Variants in MALRD1 observed in about 807,000 individuals in gnomAD.
MALRD1 encodes the protein MAM and LDL receptor class A domain containing 1.
Under a neutral mutation model 242.1 loss-of-function variants are expected in MALRD1, and 247 were observed. The observed-to-expected ratio is 1.02, with a 90% confidence interval of 0.92 to 1.13. MALRD1 has a LOEUF of 1.13. Among genes scored for constraint, MALRD1 ranks in the 50% most tolerant of loss-of-function variants. The pLI is 0.00. For synonymous variants in MALRD1, 995 were observed against 866.6 expected, an observed-to-expected ratio of 1.15 and a Z score of -2.60; for missense variants, 2,989 against 2,533.1, an observed-to-expected ratio of 1.18 and a Z score of -3.86.
intron 1 of MALRD1, among the ~76,000 whole-genome samples, chr10:19,055,337 C>A (rs536929636): frequency 6.6e-6 from 1 of 152,096 alleles, no homozygotes; most frequent in South Asian, 2.1e-4. Context: ...TATTGTTTTA[C>A]CATTCTGTGG....
chr10:19,196,003 C>T lies in MALRD1; in HGVS notation c.1952-7725C>T, dbSNP rs538112881. The stretch of plus-strand genomic sequence containing the variant: ...ATTTCACTGAAAAAATAGAAACAAC[C>T]AGAAAAGAACTTTTAGAAGTTCCAG... On this transcript the variant is annotated intron_variant, in intron 14 of 39. Transcript: ENST00000454679. Among the ~76,000 whole-genome samples, 13 of 152,202 alleles carry T rather than the reference C, an allele frequency of 8.5e-5. 1 individual carries two copies. In the South Asian group the frequency reaches 2.1e-3, roughly 24 times the overall value.
At chr10:19,621,351 T>TAAAAAA (rs56041015) in intron 36 of MALRD1, among the ~76,000 whole-genome samples, 11 of 121,828 alleles carry the variant, frequency 9.0e-5, no homozygotes, top group African/African-American at 1.5e-4. Context: ...TAAAAATATG[T>TAAAAAA]AAAAAAAAAA....
intron 26 of MALRD1, among the ~76,000 whole-genome samples, chr10:19,354,576 G>A (rs1226746072): frequency 2.0e-5 from 3 of 151,874 alleles, no homozygotes. Flanking sequence ...CTCTACCTTT[G>A]TGGGATCATT....
At chr10:19,135,732 G>C (rs945098929) in intron 9 of MALRD1, among the ~76,000 whole-genome samples, 1 of 152,154 alleles carries the variant, frequency 6.6e-6, no homozygotes, top group Non-Finnish European at 1.5e-5. Context: ...GTCCTCTGTA[G>C]CTCATGGCTA....
intron 38 of MALRD1, among the ~76,000 whole-genome samples, chr10:19,717,819 C>A (rs1347660128): frequency 6.6e-6 from 1 of 151,968 alleles, no homozygotes; most frequent in African/African-American, 2.4e-5. Flanking sequence ...GAGTTTAAGA[C>A]CAGCCTGGCC....
intron 18 of MALRD1, among the ~76,000 whole-genome samples, chr10:19,230,073 G>T (rs1346538135): frequency 6.6e-6 from 1 of 152,032 alleles, no homozygotes; most frequent in South Asian, 2.1e-4. Context: ...CCTTTCACTT[G>T]GTTCTCATTT....
At chr10:19,353,896 T>G (rs1269712426) in intron 26 of MALRD1, among the ~76,000 whole-genome samples, 6 of 148,082 alleles carry the variant, frequency 4.1e-5, no homozygotes, top group Non-Finnish European at 8.9e-5. Context: ...TTGTTTGTTT[T>G]TTGTTTTTTG....
intron 18 of MALRD1, among the ~76,000 whole-genome samples, chr10:19,214,995 G>A (rs1837246084): frequency 6.6e-6 from 1 of 152,134 alleles, no homozygotes; most frequent in East Asian, 1.9e-4. Context: ...CTTCCACAAA[G>A]TCAACAAGCA....
At chr10:19,605,190 C>G (rs905844358) in intron 34 of MALRD1, among the ~76,000 whole-genome samples, 1 of 150,798 alleles carries the variant, frequency 6.6e-6, no homozygotes, top group South Asian at 2.1e-4. Flanking sequence ...GAATCTTGCT[C>G]CATTCCCTGG....
chr10:19,168,623 G>A (rs1027407960), intron 13 of MALRD1, among the ~76,000 whole-genome samples: 2 of 152,044 alleles, frequency 1.3e-5, no homozygotes, highest in South Asian at 4.1e-4. Flanking sequence ...GTTTTGCTTT[G>A]CAGTGCAAAT....
At chr10:19,315,134 A>C (rs1469330350) in intron 21 of MALRD1, among the ~76,000 whole-genome samples, 1 of 138,654 alleles carries the variant, frequency 7.2e-6, no homozygotes, top group Non-Finnish European at 1.5e-5. Context: ...ATTTATAGAA[A>C]TATGTAAATA....
intron 5 of MALRD1, among the ~76,000 whole-genome samples, chr10:19,107,719 T>A (rs559046264): frequency 1.3e-5 from 2 of 152,118 alleles, no homozygotes; most frequent in Admixed American, 1.3e-4. Context: ...TTTCTTCTCT[T>A]GTTGTTTATC....
intron 36 of MALRD1, 85 bp from the exon 37 acceptor site, chr10:19,692,197 T>G: frequency 9.8e-7 from 1 of 1,023,090 alleles, no homozygotes; most frequent in South Asian, 1.8e-5. Flanking sequence ...TTTATTGACA[T>G]TCATGATTTT....
intron 32 of MALRD1, among the ~76,000 whole-genome samples, chr10:19,544,895 C>A: frequency 6.6e-6 from 1 of 152,150 alleles, no homozygotes; most frequent in East Asian, 1.9e-4. Context: ...TCTTTGCTCA[C>A]CACTCTTTAT....
At chr10:19,663,178 C>T (rs936240839) in intron 36 of MALRD1, among the ~76,000 whole-genome samples, 21 of 152,106 alleles carry the variant, frequency 1.4e-4, no homozygotes, top group African/African-American at 5.1e-4. Flanking sequence ...CCCTCTTCCA[C>T]CCTTTCATAT....
intron 38 of MALRD1, among the ~76,000 whole-genome samples, chr10:19,729,389 TATACATTATAC>T (rs1835181080): frequency 6.6e-6 from 1 of 152,176 alleles, no homozygotes; most frequent in South Asian, 2.1e-4. Context: ...AGGCAAAAAA[TATACATTATAC>T]ATACATTATA....
chr10:19,086,418 A>G (rs1237895443), intron 2 of MALRD1, among the ~76,000 whole-genome samples: 1 of 152,040 alleles, frequency 6.6e-6, no homozygotes, highest in South Asian at 2.1e-4. Flanking sequence ...GCAGAAAACA[A>G]TGGTTCTCAG....
At chr10:19,341,951 G>A (rs1323570979) in intron 24 of MALRD1, among the ~76,000 whole-genome samples, 2 of 151,356 alleles carry the variant, frequency 1.3e-5, no homozygotes, top group African/African-American at 4.8e-5. Context: ...TTGAGTTGAT[G>A]TGTTCACATC....
chr10:19,209,673 C>A lies in MALRD1; in HGVS notation c.2984C>A (p.Pro995His), dbSNP rs1247966263. 1.9e-6 allele frequency: 3 copies of A among 1,546,696 alleles called. No individual in the cohort carries two copies. The highest frequency in any genetic ancestry group is 2.6e-6 in the Non-Finnish European group (3 of 1,144,932). Residue 995 changes from proline (P) to histidine (H), a missense_variant, in exon 18 of 40, where the codon CCC (proline) becomes CAC (histidine). By Grantham distance (77) the Pro-to-His change is moderately conservative. Transcript: ENST00000454679. ...RKHLNISSRQ[P>H]FQILVEASVG... ...CACCTCAACATTTCCAGCAGGCAGC[C>A]CTTTCAGGTATGGATAATAGATTTT...
Sources: allele counts gnomAD v4.1 joint callset (sites outside exome capture counted in the v4.1 genomes callset), GRCh38; gene constraint gnomAD v4.1.1; transcripts MANE v1.5; gene names NCBI Gene and HGNC (gene_info 2026-07-23, HGNC 2026-07-21).